Variants in FBXO25 observed in about 807,000 individuals in gnomAD.
The protein encoded by FBXO25 is F-box only protein 25.
Under a neutral mutation model 51.9 loss-of-function variants are expected in FBXO25, and 45 were observed. The ratio of observed to expected loss-of-function variants is 0.87; its 90% CI spans 0.68 to 1.11. FBXO25 has a LOEUF of 1.11. Among genes scored for constraint, FBXO25 ranks in the 50% most tolerant of loss-of-function variants. The pLI, the probability that FBXO25 is intolerant of heterozygous loss-of-function variation, is 0.00. For missense variants in FBXO25, 507 were observed against 428.5 expected, an observed-to-expected ratio of 1.18 and a Z score of -1.62; for synonymous variants, 199 against 151.0, an observed-to-expected ratio of 1.32 and a Z score of -2.33.
chr8:408,113 A>G (rs1256465242), intron 1 of FBXO25, among the ~76,000 whole-genome samples: 1 of 152,138 alleles, frequency 6.6e-6, no homozygotes, highest in African/African-American at 2.4e-5. Flanking sequence ...AGTACAACTT[A>G]TTTCTGACTC....
At chr8:419,898 A>G (rs959279391) in intron 2 of FBXO25, among the ~76,000 whole-genome samples, 2 of 152,208 alleles carry the variant, frequency 1.3e-5, no homozygotes, top group African/African-American at 4.8e-5. Context: ...AGAATAATAA[A>G]GAACACTTAA....
intron 2 of FBXO25, among the ~76,000 whole-genome samples, chr8:417,182 T>C (rs1374207386): frequency 6.6e-6 from 1 of 152,242 alleles, no homozygotes; most frequent in East Asian, 1.9e-4. Flanking sequence ...GTCCCAGCTG[T>C]GAAGTACCTG....
At chr8:467,628 A>C (rs931660135) in intron 9 of FBXO25, 22 of 1,243,852 alleles carry the variant, frequency 1.8e-5, no homozygotes. Flanking sequence ...CTGAATGCTT[A>C]GATACACTCT....
At chr8:436,512 C>G (rs1021488739) in intron 5 of FBXO25, among the ~76,000 whole-genome samples, 3 of 152,118 alleles carry the variant, frequency 2.0e-5, no homozygotes, top group African/African-American at 4.8e-5. Flanking sequence ...GCAGAATTTC[C>G]AGGGCTGCTT....
intron 7 of FBXO25, among the ~76,000 whole-genome samples, chr8:455,117 G>A (rs1005446970): frequency 5.3e-5 from 8 of 152,096 alleles, no homozygotes; most frequent in Admixed American, 5.2e-4. Context: ...GGGAACTTCC[G>A]CATCCAGGGG....
At chr8:419,816 T>C (rs1278223686) in intron 2 of FBXO25, among the ~76,000 whole-genome samples, 7 of 152,178 alleles carry the variant, frequency 4.6e-5, no homozygotes, top group Non-Finnish European at 7.3e-5. Flanking sequence ...ATTTGCATTT[T>C]ATCAAAATTT....
At chr8:408,547 C>G (rs1210102599) in intron 1 of FBXO25, among the ~76,000 whole-genome samples, 1 of 152,136 alleles carries the variant, frequency 6.6e-6, no homozygotes, top group Non-Finnish European at 1.5e-5. Flanking sequence ...CCTTGGAGGA[C>G]AGTGTGAGGA....
At chr8:445,346 A>G (rs981360295) in intron 5 of FBXO25, among the ~76,000 whole-genome samples, 7 of 152,162 alleles carry the variant, frequency 4.6e-5, no homozygotes, top group South Asian at 2.1e-4. Flanking sequence ...AGTCGGGAAG[A>G]CCTTATCTCC....
In FBXO25 at chr8:475,819, T is replaced by G. The variant is rs998183493; in HGVS notation, c.*7015T>G. On this transcript the variant is annotated 3_prime_UTR_variant, in exon 10 of 10. Coordinates refer to ENST00000350302, the MANE Select transcript of FBXO25 (RefSeq NM_183420.2). Reference sequence around the variant, plus strand: ...TATGGACACTAGGATTTTCTACATATAAGATCATGTCATCTGCAAACAGAT... The same window carrying G: ...TATGGACACTAGGATTTTCTACATAGAAGATCATGTCATCTGCAAACAGAT... 1 of 152,208 alleles carries G rather than the reference T, an allele frequency of 6.6e-6. No homozygotes were observed. The highest frequency in any genetic ancestry group is 1.9e-4 in the East Asian group (1 of 5,204). 9.4% of individuals were successfully genotyped at this position (152,208 alleles called of 1,614,324 possible).
At chr8:452,703 G>A (rs2116738248) in intron 7 of FBXO25, among the ~76,000 whole-genome samples, 1 of 152,352 alleles carries the variant, frequency 6.6e-6, no homozygotes, top group South Asian at 2.1e-4. Context: ...GTCTGGCTGG[G>A]AAGTTCCAGG....
rs1563078167 is a variant in FBXO25, at chr8:437,260, A to G, written c.381+1553A>G. On this transcript the variant is annotated intron_variant, in intron 5 of 9. Transcript: ENST00000350302. ...AAAAATTAAAATGTGCTGTGCACTC[A>G]TGTACCAACTAAGCTTACTTTGCAA... Among the ~76,000 whole-genome samples, 3 of 152,220 alleles carry G rather than the reference A, an allele frequency of 2.0e-5. No individual in the cohort carries two copies. The South Asian group carries it at 6.2e-4, about 32-fold the overall frequency.
Position 463,057 on chromosome 8 carries a change from G to A in FBXO25, c.894G>A (p.Leu298=), listed in dbSNP as rs767325889. The change falls in exon 9 of 10, where the codon TTG becomes TTA. Residue 298 remains leucine (L), a synonymous_variant. Transcript: ENST00000350302. The part of the protein sequence containing the change: ...LSEKGHIEWK[L]MYFALQKHYP... The stretch of plus-strand genomic sequence containing the variant: ...AAAAAGGTCATATTGAATGGAAGTT[G>A]ATGTACTTTGCACTTCAGAAACATT... 5.6e-6 allele frequency: 9 copies of A among 1,613,646 alleles called. No homozygotes were observed. The African/African-American group carries it at 1.1e-4, about 19-fold the overall frequency.
chr8:445,370 T>G (rs904465604), intron 5 of FBXO25, among the ~76,000 whole-genome samples: 1 of 152,174 alleles, frequency 6.6e-6, no homozygotes, highest in African/African-American at 2.4e-5. Flanking sequence ...GGAACACATA[T>G]TCTCTGTTCT....
chr8:410,477 T>C (rs2117396269), intron 1 of FBXO25, among the ~76,000 whole-genome samples: 1 of 152,282 alleles, frequency 6.6e-6, no homozygotes, highest in East Asian at 1.9e-4. Flanking sequence ...CAAGTTGATA[T>C]TGAGAGATAA....
chr8:467,782 G>C, intron 9 of FBXO25: 5 of 1,613,324 alleles, frequency 3.1e-6, no homozygotes, highest in Non-Finnish European at 4.2e-6. Context: ...CTGTGTTCGG[G>C]ATGAAAACGT....
At chr8:452,814 C>T (rs113044955) in intron 7 of FBXO25, among the ~76,000 whole-genome samples, 2 of 152,206 alleles carry the variant, frequency 1.3e-5, no homozygotes, top group Non-Finnish European at 2.9e-5. Flanking sequence ...TGGGCCACAC[C>T]TCACCAAGAG....
At chr8:466,409 A>C (rs1800163707) in intron 9 of FBXO25, among the ~76,000 whole-genome samples, 1 of 152,192 alleles carries the variant, frequency 6.6e-6, no homozygotes, top group Admixed American at 6.5e-5. Context: ...GCAGTCCTGC[A>C]CCTGGAAACT....
At chr8:409,871 A>C (rs891149016) in intron 1 of FBXO25, among the ~76,000 whole-genome samples, 3 of 152,184 alleles carry the variant, frequency 2.0e-5, no homozygotes, top group Non-Finnish European at 4.4e-5. Flanking sequence ...AATAAAGTCT[A>C]AACACCTTTG....
chr8:436,212 G>C (rs953844492), intron 5 of FBXO25, among the ~76,000 whole-genome samples: 3 of 151,804 alleles, frequency 2.0e-5, no homozygotes, highest in Non-Finnish European at 2.9e-5. Flanking sequence ...TTTTATCTTG[G>C]GCCACACTCA....
Sources: gnomAD v4.1 joint callset for allele counts (sites outside exome capture counted in the v4.1 genomes callset) on GRCh38, gnomAD v4.1.1 for gene constraint, MANE v1.5 for transcripts, NCBI Gene and HGNC (gene_info 2026-07-23, HGNC 2026-07-21) for gene names.